Variants in SOS1 observed in about 807,000 individuals in gnomAD.
SOS1 encodes son of sevenless homolog 1.
A neutral mutation model predicts 157.6 loss-of-function variants in SOS1; 25 were observed. That is an observed-to-expected ratio of 0.16 (90% CI 0.12 to 0.22). The LOEUF is 0.22. Ranked by LOEUF, SOS1 falls within the 10% of genes least tolerant of loss-of-function variation. SOS1 has a pLI of 1.00. For missense variants in SOS1, 1,237 were observed against 1,599.1 expected, an observed-to-expected ratio of 0.77 and a Z score of 3.86; for synonymous variants, 528 against 534.0, an observed-to-expected ratio of 0.99 and a Z score of 0.16.
intron 1 of SOS1, among the ~76,000 whole-genome samples, chr2:39,089,318 G>T (rs1047224385): frequency 1.3e-5 from 2 of 152,104 alleles, no homozygotes; most frequent in Admixed American, 1.3e-4. Flanking sequence ...TCACCTTGAG[G>T]TCAGGAGTTC....
At chr2:39,056,172 G>T (rs1485305680) in intron 4 of SOS1, among the ~76,000 whole-genome samples, 1 of 152,174 alleles carries the variant, frequency 6.6e-6, no homozygotes, top group African/African-American at 2.4e-5. Context: ...GCTCATGCCT[G>T]TAATTCCAGC....
intron 1 of SOS1, among the ~76,000 whole-genome samples, chr2:39,073,980 A>T (rs1671874499): frequency 6.6e-6 from 1 of 152,342 alleles, no homozygotes. Flanking sequence ...TCTTTAGTCA[A>T]TGTTTGATGC....
At position 39,108,991 on chromosome 2, in the gene SOS1, G is replaced by C. The variant is rs571351690; in HGVS notation, c.87+11345C>G. On this transcript the variant is annotated intron_variant, in intron 1 of 22. Coordinates refer to ENST00000402219, the MANE Select transcript of SOS1 (RefSeq NM_005633.4). ...ACGCAGGTGAACTGCTTGAGCTCAG[G>C]AGTTCAAGACCAGCCTAGGCAACAT... Among the ~76,000 whole-genome samples the C allele has an allele frequency of 3.9e-5, 6 of 152,198 alleles. No individual in the cohort carries two copies. In the East Asian group the frequency reaches 1.2e-3, roughly 29 times the overall value.
chr2:39,002,970 C>T (rs547336053), intron 17 of SOS1, among the ~76,000 whole-genome samples: 1 of 150,068 alleles, frequency 6.7e-6, no homozygotes, highest in East Asian at 2.0e-4. Context: ...GGGATTGAGG[C>T]GGGATGACTG....
intron 1 of SOS1, among the ~76,000 whole-genome samples, chr2:39,071,656 C>T (rs763960312): frequency 6.6e-6 from 1 of 152,066 alleles, no homozygotes; most frequent in Admixed American, 6.6e-5. Context: ...TCTAGACATT[C>T]GAAAAGATGT....
intron 10 of SOS1, among the ~76,000 whole-genome samples, chr2:39,022,187 T>C (rs1454227): frequency 0.92 from 139,240 of 151,654 alleles, 64,000 homozygotes; most frequent in African/African-American, 0.94. Flanking sequence ...AATTTTGTTA[T>C]ATTAAAATTT....
At chr2:38,996,486 A>G (rs920873154) in intron 19 of SOS1, among the ~76,000 whole-genome samples, 1 of 152,220 alleles carries the variant, frequency 6.6e-6, no homozygotes, top group Non-Finnish European at 1.5e-5. Context: ...AAGTAACAAA[A>G]AACAATGGAA....
In SOS1 at chr2:39,008,494, G is replaced by A. The variant is rs146575371; in HGVS notation, c.2511-1301C>T. ...GGTGCCCTTAGGAACAGTGGAAATT[G>A]TGGTGAAAGGCAATGGGGAAGAGAT... On this transcript the variant is annotated intron_variant, in intron 15 of 22. Transcript: ENST00000402219. 7.0e-3 allele frequency among the ~76,000 whole-genome samples: 1,066 copies of A among 152,328 alleles called. 6 individuals carry two copies. Among genetic ancestry groups the A allele is most frequent in the Middle Eastern group, 0.014 (4 of 294 alleles).
chr2:39,111,841 T>G (rs529026154), intron 1 of SOS1, among the ~76,000 whole-genome samples: 26 of 151,600 alleles, frequency 1.7e-4, no homozygotes, highest in African/African-American at 6.3e-4. Context: ...GCGATTCTCC[T>G]ACCTCAGCCT....
At chr2:39,106,674 T>G (rs897795733) in intron 1 of SOS1, among the ~76,000 whole-genome samples, 2 of 151,746 alleles carry the variant, frequency 1.3e-5, no homozygotes, top group Non-Finnish European at 2.9e-5. Flanking sequence ...TATTTTCCCA[T>G]GTATATCTCC....
chr2:39,052,666 T>C (rs2124599652), intron 5 of SOS1, among the ~76,000 whole-genome samples: 1 of 152,324 alleles, frequency 6.6e-6, no homozygotes, highest in East Asian at 1.9e-4. Flanking sequence ...TGTATGGTCA[T>C]ACCACAGTTT....
At chr2:39,088,631 C>G (rs1057442141) in intron 1 of SOS1, among the ~76,000 whole-genome samples, 2 of 152,154 alleles carry the variant, frequency 1.3e-5, no homozygotes, top group Admixed American at 1.3e-4. Context: ...TTTCAAGATT[C>G]GCCCATGCTG....
At chr2:39,123,355 T>C (rs75667246), upstream of SOS1, among the ~76,000 whole-genome samples, 1 of 144,692 alleles carries the variant, frequency 6.9e-6, no homozygotes, top group Non-Finnish European at 1.5e-5. Context: ...GAAACAATCT[T>C]TTTTTTTTTT....
intron 1 of SOS1, among the ~76,000 whole-genome samples, chr2:39,089,765 T>A (rs1672516067): frequency 6.6e-6 from 1 of 151,946 alleles, no homozygotes; most frequent in Non-Finnish European, 1.5e-5. Context: ...ACTGATGTAA[T>A]CTTGGCTTTC....
intron 1 of SOS1, among the ~76,000 whole-genome samples, chr2:39,084,586 T>C (rs1179059170): frequency 1.3e-5 from 2 of 152,164 alleles, no homozygotes; most frequent in Non-Finnish European, 1.5e-5. Flanking sequence ...TTGTGCACAT[T>C]TATAACATTT....
At chr2:39,039,400 C>A (rs1430906594) in intron 6 of SOS1, among the ~76,000 whole-genome samples, 1 of 152,208 alleles carries the variant, frequency 6.6e-6, no homozygotes, top group Non-Finnish European at 1.5e-5. Context: ...ATATACTTAG[C>A]AGCAGTGATT....
chr2:39,046,869 T>C (rs1192712316), intron 6 of SOS1, among the ~76,000 whole-genome samples: 1 of 152,206 alleles, frequency 6.6e-6, no homozygotes, highest in African/African-American at 2.4e-5. Context: ...ACTTTCCTTC[T>C]TGCTAAAGAA....
chr2:39,025,430 A>G (rs567458191), intron 8 of SOS1, among the ~76,000 whole-genome samples: 32 of 151,754 alleles, frequency 2.1e-4, no homozygotes, highest in African/African-American at 7.5e-4. Flanking sequence ...GCTCACTGCA[A>G]CCTCTGCCTC....
At chr2:39,104,036 T>G (rs1673072405) in intron 1 of SOS1, among the ~76,000 whole-genome samples, 1 of 152,140 alleles carries the variant, frequency 6.6e-6, no homozygotes, top group Admixed American at 6.5e-5. Flanking sequence ...TCCCAGCACT[T>G]TGGAAAGCCG....
Sources: gnomAD v4.1 joint callset for allele counts (sites outside exome capture counted in the v4.1 genomes callset) on GRCh38, gnomAD v4.1.1 for gene constraint, MANE v1.5 for transcripts, NCBI Gene and HGNC (gene_info 2026-07-23, HGNC 2026-07-21) for gene names.